The following TOGARAM1 variants were observed in gnomAD, a reference collection of about 807,000 sequenced individuals.
TOGARAM1 encodes TOG array regulator of axonemal microtubules 1.
In TOGARAM1, 100 loss-of-function variants were observed where a neutral mutation model predicts 166.6. That is an observed-to-expected ratio of 0.60 (90% CI 0.51 to 0.71). The LOEUF is 0.71. Ranked by LOEUF, TOGARAM1 falls within the 30% of genes least tolerant of loss-of-function variation. TOGARAM1 has a pLI of 0.00. For missense variants in TOGARAM1, 2,029 were observed against 2,102.7 expected (o/e 0.96, Z 0.69); for synonymous variants, 758 against 763.8 (o/e 0.99, Z 0.13).
chr14:45,013,597 G>T (rs1178936900), intron 7 of TOGARAM1, among the ~76,000 whole-genome samples: 1 of 152,116 alleles, frequency 6.6e-6, no homozygotes, highest in Admixed American at 6.5e-5. Context: ...AACTGCTTTG[G>T]AACTTAGTTC....
chr14:45,030,074 C>G (rs1024499640), intron 10 of TOGARAM1, among the ~76,000 whole-genome samples: 11 of 152,104 alleles, frequency 7.2e-5, no homozygotes, highest in African/African-American at 2.7e-4. Flanking sequence ...CTCACCTCAG[C>G]CTCCCAGAAT....
At chr14:44,966,729 C>T (rs1490381676) in intron 1 of TOGARAM1, among the ~76,000 whole-genome samples, 5 of 151,388 alleles carry the variant, frequency 3.3e-5, no homozygotes, top group South Asian at 2.1e-4. Flanking sequence ...AACATTTGGA[C>T]GATTGCTTGA....
rs1168779249 is a variant in TOGARAM1 at position 45,059,951 on chromosome 14, C to T, written c.4559+5402C>T. Among the ~76,000 whole-genome samples, 29 of 146,082 alleles carry T rather than the reference C, an allele frequency of 2.0e-4. No homozygotes were observed. In the East Asian group the frequency reaches 5.7e-3, roughly 29 times the overall value. On this transcript the variant is annotated intron_variant, in intron 16 of 19. Transcript: ENST00000361462. ...TTTTTGAGATGGAGTCTCGCTCTGT[C>T]GCCCAGGCTGGAGTGCAGTGGCGTG...
At chr14:45,033,511 T>G (rs1284576423) in intron 11 of TOGARAM1, among the ~76,000 whole-genome samples, 2 of 152,176 alleles carry the variant, frequency 1.3e-5, no homozygotes, top group African/African-American at 4.8e-5. Flanking sequence ...TATAAAACAT[T>G]ATATGAAAAC....
intron 7 of TOGARAM1, among the ~76,000 whole-genome samples, chr14:45,022,641 GTCCTCATGAGGT>G (rs1427458144): frequency 5.3e-5 from 8 of 151,724 alleles, no homozygotes; most frequent in Non-Finnish European, 1.0e-4. Context: ...AGGAAACTAT[GTCCTCATGAGGT>G]TCCCCATTCA....
In TOGARAM1 at chr14:45,027,444, A is replaced by G; in HGVS notation, c.3474A>G (p.Ser1158=). The change falls in exon 9 of 20, where the codon TCA becomes TCG. Residue 1158 remains serine (S), a synonymous_variant. Coordinates refer to ENST00000361462, the MANE Select transcript of TOGARAM1 (RefSeq NM_001308120.2). ...IYGRSVQQNI[S]SYLDVENEKD... is the part of the protein sequence containing the mutation. ...GAAGATCAGTCCAGCAAAATATTTC[A>G]TCATATCTTGATGTTGAGAATGAAA... 6.2e-7 allele frequency: 1 copy of G among 1,609,618 alleles called. No homozygotes were observed. The highest frequency in any genetic ancestry group is 8.5e-7 in the Non-Finnish European group (1 of 1,178,410).
intron 16 of TOGARAM1, among the ~76,000 whole-genome samples, chr14:45,056,889 A>G (rs1448130307): frequency 6.6e-6 from 1 of 152,164 alleles, no homozygotes; most frequent in Non-Finnish European, 1.5e-5. Context: ...TTTAGGGCAG[A>G]TTCCCCCTCT....
chr14:45,051,581 A>G (rs538934487), intron 14 of TOGARAM1, among the ~76,000 whole-genome samples: 3 of 117,924 alleles, frequency 2.5e-5, no homozygotes, highest in Non-Finnish European at 4.9e-5. Context: ...TTTTTTTGAG[A>G]CGCAGTCTCA....
intron 1 of TOGARAM1, among the ~76,000 whole-genome samples, chr14:44,972,611 A>T (rs1885946488): frequency 6.6e-6 from 1 of 152,124 alleles, no homozygotes; most frequent in Admixed American, 6.5e-5. Context: ...TGTTGCTATT[A>T]TGTGAGGCCC....
chr14:44,962,356 G>C lies in TOGARAM1; in HGVS notation c.-66G>C. The C allele has an allele frequency of 6.7e-7, 1 of 1,484,632 alleles. No homozygotes were observed. The highest frequency in any genetic ancestry group is 8.9e-7 in the Non-Finnish European group (1 of 1,122,512). The allele number at this position is 1,484,632 out of a possible 1,614,324, so 92.0% of individuals were successfully genotyped here. ...GGGCTTGGAGAGGATCTGGAAGTCT[G>C]GGCTCCATCGAGCCCTTTGGAGACG... On this transcript the variant is annotated 5_prime_UTR_variant, in exon 1 of 20. Transcript: ENST00000361462.
intron 7 of TOGARAM1, among the ~76,000 whole-genome samples, chr14:45,020,949 T>G (rs1211877679): frequency 2.0e-5 from 3 of 152,124 alleles, no homozygotes. Context: ...CAACAGTTAG[T>G]AGGGTTTTGG....
At position 44,963,140 on chromosome 14, in the gene TOGARAM1, T is replaced by C. The variant is rs775091625; in HGVS notation, c.719T>C (p.Ile240Thr). The change falls in exon 1 of 20, where the codon ATC (isoleucine) becomes ACC (threonine). Residue 240 changes from isoleucine (I) to threonine (T), a missense_variant. By Grantham distance (89) the Ile-to-Thr change is moderately conservative (BLOSUM62 -1). Coordinates refer to ENST00000361462, the MANE Select transcript of TOGARAM1 (RefSeq NM_001308120.2). Reference sequence around the variant, plus strand: ...GCTTCCACAGCACTACTGCTTCCCATCTTGCTTACTACTGAGGACTTGTTG... The same window carrying C: ...GCTTCCACAGCACTACTGCTTCCCACCTTGCTTACTACTGAGGACTTGTTG... ...LRASTALLLP[I>T]LLTTEDLLLG... 5.3e-5 allele frequency: 85 copies of C among 1,614,058 alleles called. No homozygotes were observed. The highest frequency in any genetic ancestry group is 2.5e-4 in the South Asian group (23 of 91,092).
At chr14:44,967,363 C>A (rs1024324135) in intron 1 of TOGARAM1, among the ~76,000 whole-genome samples, 1 of 152,102 alleles carries the variant, frequency 6.6e-6, no homozygotes, top group Non-Finnish European at 1.5e-5. Flanking sequence ...TAACCCCCCT[C>A]CCCCCACAAA....
chr14:45,052,497 G>A lies in TOGARAM1; in HGVS notation c.4375G>A (p.Glu1459Lys). The change falls in exon 15 of 20, where the codon GAA (glutamate) becomes AAA (lysine). Residue 1459 changes from glutamate to lysine, a missense_variant. By Grantham distance (56) the Glu-to-Lys change is moderately conservative. This residue lies in a region of TOGARAM1 where 576 missense variants were observed against 670.5 expected (regional missense o/e 0.86). Coordinates refer to ENST00000361462, the MANE Select transcript of TOGARAM1 (RefSeq NM_001308120.2). ...TCATCCTAACTTTGAAAAAATGCTT[G>A]AAAAGTATGTCCCATCTAAAGATTT... ...MCHPNFEKML[E>K]KYVPSKDLPY... 1 of 1,612,950 alleles carries A rather than the reference G, an allele frequency of 6.2e-7. No individual in the cohort carries two copies.
At chr14:45,045,728 CATATATATACACATATGT>C (rs1343700191) in intron 13 of TOGARAM1, among the ~76,000 whole-genome samples, 3 of 123,668 alleles carry the variant, frequency 2.4e-5, no homozygotes, top group East Asian at 2.2e-4. Flanking sequence ...CATATATACA[CATATATATACACATATGT>C]ATATATATAC....
intron 1 of TOGARAM1, among the ~76,000 whole-genome samples, chr14:44,967,721 G>A (rs144010175): frequency 4.2e-4 from 64 of 152,290 alleles, no homozygotes; most frequent in African/African-American, 1.4e-3. Context: ...AGATGTAGAT[G>A]GGGTAAAGTA....
At chr14:45,019,555 C>T (rs961682299) in intron 7 of TOGARAM1, among the ~76,000 whole-genome samples, 3 of 152,096 alleles carry the variant, frequency 2.0e-5, no homozygotes, top group South Asian at 2.1e-4. Context: ...GGAGGGTAGC[C>T]GTTGCCAGCT....
At chr14:45,032,591 A>T (rs1006781195) in intron 11 of TOGARAM1, among the ~76,000 whole-genome samples, 3 of 152,238 alleles carry the variant, frequency 2.0e-5, no homozygotes, top group African/African-American at 2.4e-5. Context: ...CATGCCATAA[A>T]CATATAATTT....
In TOGARAM1 at chr14:45,068,650, A is replaced by T; in HGVS notation, c.4969+7A>T. The T allele has an allele frequency of 1.3e-6, 2 of 1,558,036 alleles. No homozygotes were observed. The highest frequency in any genetic ancestry group is 1.7e-4 in the Middle Eastern group (1 of 5,866). ...GCACTGAGTCAGCATGTAGGTAAGA[A>T]ATCTTACTTCGGCACTCAAATTATT... On this transcript the variant is annotated splice_region_variant and intron_variant, in intron 18 of 19. Transcript: ENST00000361462.
Sources: gnomAD v4.1 joint callset for allele counts (sites outside exome capture counted in the v4.1 genomes callset) on GRCh38, gnomAD v4.1.1 for gene constraint, gnomAD v4.1.1 regional missense constraint, MANE v1.5 for transcripts, NCBI Gene and HGNC (gene_info 2026-07-23, HGNC 2026-07-21) for gene names.